The following CSMD3 variants were observed in gnomAD, a reference collection of about 807,000 sequenced individuals.
CSMD3 encodes the protein CUB and sushi domain-containing protein 3.
A neutral mutation model predicts 435.2 loss-of-function variants in CSMD3; 177 were observed. That is an observed-to-expected ratio of 0.41 (90% CI 0.36 to 0.46). The LOEUF (loss-of-function observed/expected upper bound fraction) is 0.46. Among genes scored for constraint, CSMD3 ranks in the 20% least tolerant of loss-of-function variants. The pLI is 0.34. For synonymous variants in CSMD3, 1,656 were observed against 1,520.5 expected, an observed-to-expected ratio of 1.09 and a Z score of -2.07; for missense variants, 4,265 against 4,504.6, an observed-to-expected ratio of 0.95 and a Z score of 1.52.
intron 1 of CSMD3, among the ~76,000 whole-genome samples, chr8:113,339,552 T>C (rs79488791): frequency 6.6e-6 from 1 of 152,000 alleles, no homozygotes; most frequent in South Asian, 2.1e-4. Context: ...GGAGAAATAA[T>C]ATAATTTGAT....
intron 32 of CSMD3, among the ~76,000 whole-genome samples, chr8:112,429,948 T>C (rs1422077799): frequency 6.6e-6 from 1 of 151,930 alleles, no homozygotes; most frequent in Non-Finnish European, 1.5e-5. Context: ...TAAGAAGAAA[T>C]TGAGGTCAAA....
At chr8:113,101,132 A>G (rs2090317970) in intron 4 of CSMD3, among the ~76,000 whole-genome samples, 3 of 152,132 alleles carry the variant, frequency 2.0e-5, no homozygotes, top group Admixed American at 2.0e-4. Flanking sequence ...TTTCACTCAT[A>G]GGCCCTTTCA....
rs76422560 is a variant in CSMD3 at position 112,398,321 on chromosome 8, A to G, written c.5810-7533T>C. Among the ~76,000 whole-genome samples the G allele has an allele frequency of 5.2e-3, 796 of 152,246 alleles. 24 individuals are homozygous for G. The East Asian group carries it at 0.075, about 14-fold the overall frequency. On this transcript the variant is annotated intron_variant, in intron 35 of 70. Coordinates refer to ENST00000297405, the MANE Select transcript of CSMD3 (RefSeq NM_198123.2). ...TCTTACTTCTGTAGGTTTGCTGGGC[A>G]TAATACATACTACAGCTCTCACAGG...
chr8:112,299,760 A>G (rs892772876), intron 53 of CSMD3, among the ~76,000 whole-genome samples: 1 of 152,202 alleles, frequency 6.6e-6, no homozygotes, highest in East Asian at 1.9e-4. Context: ...ACAGTGTAAT[A>G]TTCTGGGATT....
At chr8:112,377,963 C>T (rs1829107737) in intron 38 of CSMD3, among the ~76,000 whole-genome samples, 1 of 152,064 alleles carries the variant, frequency 6.6e-6, no homozygotes, top group African/African-American at 2.4e-5. Flanking sequence ...ACTCTCTCCA[C>T]TTCTAATCAA....
At chr8:112,602,355 CA>C (rs1832427240) in intron 22 of CSMD3, among the ~76,000 whole-genome samples, 1 of 152,114 alleles carries the variant, frequency 6.6e-6, no homozygotes, top group African/African-American at 2.4e-5. Context: ...CACCTGAGGT[CA>C]GGAGTCCGAG....
At chr8:113,333,419 A>C (rs2132787873) in intron 1 of CSMD3, among the ~76,000 whole-genome samples, 1 of 151,916 alleles carries the variant, frequency 6.6e-6, no homozygotes, top group Admixed American at 6.6e-5. Flanking sequence ...TATGTTTCAC[A>C]TTTAAGTTGT....
chr8:112,226,764 A>G (rs181091465), intron 70 of CSMD3, among the ~76,000 whole-genome samples: 1 of 152,188 alleles, frequency 6.6e-6, no homozygotes, highest in Non-Finnish European at 1.5e-5. Flanking sequence ...GCATTTCAAC[A>G]AAAATGGACA....
chr8:113,030,956 T>C (rs561127657), intron 5 of CSMD3, among the ~76,000 whole-genome samples: 1 of 151,604 alleles, frequency 6.6e-6, no homozygotes, highest in Non-Finnish European at 1.5e-5. Context: ...GATATTATGA[T>C]ACACCTACCA....
intron 22 of CSMD3, among the ~76,000 whole-genome samples, chr8:112,594,340 T>C (rs1299862812): frequency 6.6e-6 from 1 of 152,152 alleles, no homozygotes; most frequent in Non-Finnish European, 1.5e-5. Context: ...CACGAGATTA[T>C]ATCCCGCACC....
chr8:112,700,669 T>G (rs1488545789), intron 13 of CSMD3, among the ~76,000 whole-genome samples: 1 of 151,952 alleles, frequency 6.6e-6, no homozygotes, highest in Non-Finnish European at 1.5e-5. Context: ...TGTCTCAGGC[T>G]CATGCAGGCT....
rs189792599 is a variant in CSMD3 at position 112,232,398 on chromosome 8, A to G, written c.10741-766T>C. ...CAAGGAGGGCAAATCACTTGAGGTCAGGAATATGAGACCAGCCTAGCCAAC... is the reference window on the plus strand; with the variant it reads ...CAAGGAGGGCAAATCACTTGAGGTCGGGAATATGAGACCAGCCTAGCCAAC... On this transcript the variant is annotated intron_variant, in intron 68 of 70. Coordinates refer to ENST00000297405, the MANE Select transcript of CSMD3 (RefSeq NM_198123.2). 3.3e-5 allele frequency among the ~76,000 whole-genome samples: 5 copies of G among 152,308 alleles called. No homozygotes were observed. The East Asian group carries it at 9.7e-4, about 29-fold the overall frequency.
chr8:112,230,312 G>A (rs927531378), intron 69 of CSMD3, among the ~76,000 whole-genome samples: 4 of 152,260 alleles, frequency 2.6e-5, no homozygotes, highest in Middle Eastern at 3.4e-3. Flanking sequence ...AACACAGGTA[G>A]GATGTGATGT....
intron 22 of CSMD3, among the ~76,000 whole-genome samples, chr8:112,593,694 CA>C (rs929102477): frequency 6.6e-6 from 1 of 151,834 alleles, no homozygotes; most frequent in Non-Finnish European, 1.5e-5. Flanking sequence ...AACAGGTAGA[CA>C]AAAGGGACAT....
At chr8:112,636,766 C>A in intron 22 of CSMD3, 51 bp downstream of exon 22, 1 of 1,411,354 alleles carries the variant, frequency 7.1e-7, no homozygotes, top group Non-Finnish European at 1.0e-6. Flanking sequence ...CCATGCAACT[C>A]CATGGACAGT....
intron 12 of CSMD3, among the ~76,000 whole-genome samples, chr8:112,807,488 A>ATAGGTAGG (rs34951713): frequency 2.5e-4 from 32 of 129,258 alleles, no homozygotes; most frequent in South Asian, 1.0e-3. Context: ...GCAATTCTTG[A>ATAGGTAGG]TAGGTAGGTA....
chr8:112,927,542 T>C (rs957086854), intron 9 of CSMD3, among the ~76,000 whole-genome samples: 20 of 152,136 alleles, frequency 1.3e-4, no homozygotes, highest in African/African-American at 4.6e-4. Context: ...AATCTGTTTA[T>C]TTGTAAGTCA....
intron 1 of CSMD3, among the ~76,000 whole-genome samples, chr8:113,436,090 TC>T (rs1246352317): frequency 6.6e-6 from 1 of 152,092 alleles, no homozygotes; most frequent in East Asian, 1.9e-4. Context: ...TTGCCAAACC[TC>T]TACCACAGGT....
intron 1 of CSMD3, among the ~76,000 whole-genome samples, chr8:113,323,176 T>A (rs2093960625): frequency 6.6e-6 from 1 of 152,196 alleles, no homozygotes; most frequent in African/African-American, 2.4e-5. Flanking sequence ...AGTTTACTCG[T>A]CTGTTTTCAA....
Sources: gnomAD v4.1 joint callset for allele counts (sites outside exome capture counted in the v4.1 genomes callset) on GRCh38, gnomAD v4.1.1 for gene constraint, MANE v1.5 for transcripts, NCBI Gene and HGNC (gene_info 2026-07-23, HGNC 2026-07-21) for gene names.